The following SUGCT variants were observed in gnomAD, a reference collection of about 807,000 sequenced individuals.
SUGCT encodes the protein succinyl-CoA:glutarate-CoA transferase, also known as succinyl-CoA:glutarate CoA-transferase.
In SUGCT, 41 loss-of-function variants were observed where a neutral mutation model predicts 55.0. The ratio of observed to expected loss-of-function variants is 0.74; its 90% CI spans 0.58 to 0.97. SUGCT has a LOEUF of 0.97. SUGCT is among the 50% of genes least tolerant of loss of function. The pLI, the probability that SUGCT is intolerant of heterozygous loss-of-function variation, is 0.00. For synonymous variants in SUGCT, 187 were observed against 200.4 expected (o/e 0.93, Z 0.56); for missense variants, 568 against 547.8 (o/e 1.04, Z -0.37).
At chr7:40,964,340 T>C in the SUGCT span, among the ~76,000 whole-genome samples, 6 of 152,206 alleles carry the variant, frequency 3.9e-5, no homozygotes, top group Non-Finnish European at 8.8e-5. Context: ...ATTTTGAACA[T>C]CTTATTTGCA....
At chr7:40,713,225 G>C (rs1008773551) in intron 12 of SUGCT, among the ~76,000 whole-genome samples, 1 of 151,960 alleles carries the variant, frequency 6.6e-6, no homozygotes, top group Admixed American at 6.6e-5. Context: ...ACCTTCTCTG[G>C]GGTGGAGACT....
chr7:40,829,511 C>T (rs75138395), intron 13 of SUGCT, among the ~76,000 whole-genome samples: 1,707 of 152,156 alleles, frequency 0.011, 18 homozygotes, highest in South Asian at 0.043. Context: ...GGTGGAGTGT[C>T]AGTTATTTTA....
At chr7:40,578,599 G>A (rs1348463611) in intron 12 of SUGCT, among the ~76,000 whole-genome samples, 2 of 151,638 alleles carry the variant, frequency 1.3e-5, no homozygotes, top group African/African-American at 4.8e-5. Flanking sequence ...CATCAGCTGG[G>A]GAACATTTAG....
intron 13 of SUGCT, among the ~76,000 whole-genome samples, chr7:40,843,362 TAG>T (rs750061312): frequency 7.9e-5 from 12 of 151,468 alleles, no homozygotes; most frequent in Non-Finnish European, 1.3e-4. Context: ...ATACCAAAAT[TAG>T]CTGGGCATGG....
chr7:40,745,165 G>A (rs1035108368), intron 12 of SUGCT, among the ~76,000 whole-genome samples: 4 of 152,090 alleles, frequency 2.6e-5, no homozygotes, highest in Non-Finnish European at 5.9e-5. Flanking sequence ...GTTCTCTTTT[G>A]TACATTATTG....
chr7:40,779,025 G>T (rs149693433), intron 13 of SUGCT, among the ~76,000 whole-genome samples: 35 of 152,184 alleles, frequency 2.3e-4, no homozygotes, highest in Middle Eastern at 3.4e-3. Context: ...AGAGACCCTG[G>T]GGAAACAGAT....
chr7:41,035,023 G>C, the SUGCT span, among the ~76,000 whole-genome samples: 69 of 152,274 alleles, frequency 4.5e-4, no homozygotes, highest in Middle Eastern at 6.8e-3. Flanking sequence ...CTTGGGCACT[G>C]GGGCACTGAT....
intron 9 of SUGCT, among the ~76,000 whole-genome samples, chr7:40,331,291 T>C (rs1404606296): frequency 1.3e-5 from 2 of 152,330 alleles, no homozygotes; most frequent in African/African-American, 2.4e-5. Context: ...TCCTCTTTAC[T>C]GCTGAATTTT....
At chr7:40,222,673 C>A (rs989062662) in intron 6 of SUGCT, among the ~76,000 whole-genome samples, 38 of 152,290 alleles carry the variant, frequency 2.5e-4, no homozygotes, top group African/African-American at 8.2e-4. Flanking sequence ...GAAACTCTAT[C>A]TTTACTAAAA....
At chr7:40,855,566 C>G (rs982561489) in intron 13 of SUGCT, among the ~76,000 whole-genome samples, 3 of 151,936 alleles carry the variant, frequency 2.0e-5, no homozygotes, top group Non-Finnish European at 4.4e-5. Flanking sequence ...ATTGTTTCCA[C>G]TTTTAACATC....
chr7:40,299,648 CA>C (rs66695626), intron 8 of SUGCT, among the ~76,000 whole-genome samples: 59 of 148,338 alleles, frequency 4.0e-4, no homozygotes, highest in African/African-American at 9.7e-4. Context: ...CTATGTAGGC[CA>C]AAAAAAAAAA....
chr7:40,561,825 G>T (rs940624708), intron 12 of SUGCT, among the ~76,000 whole-genome samples: 21 of 150,862 alleles, frequency 1.4e-4, no homozygotes, highest in African/African-American at 5.1e-4. Context: ...CCAAGTAGCT[G>T]GGATTACAGG....
At chr7:40,818,205 A>G (rs938733791) in intron 13 of SUGCT, among the ~76,000 whole-genome samples, 5 of 152,244 alleles carry the variant, frequency 3.3e-5, no homozygotes, top group African/African-American at 9.6e-5. Context: ...TGGTCTGTCT[A>G]CAGGCAGTCT....
intron 12 of SUGCT, among the ~76,000 whole-genome samples, chr7:40,654,093 A>G (rs778222581): frequency 4.6e-5 from 7 of 152,206 alleles, no homozygotes; most frequent in Non-Finnish European, 8.8e-5. Flanking sequence ...CCCATAAGGT[A>G]TCAATATCTC....
chr7:41,036,010 C>G, the SUGCT span, among the ~76,000 whole-genome samples: 3 of 152,358 alleles, frequency 2.0e-5, no homozygotes, highest in East Asian at 1.9e-4. Context: ...GTTCAACAGA[C>G]AGATGAGCGT....
intron 12 of SUGCT, among the ~76,000 whole-genome samples, chr7:40,565,971 ACACACACACACACACACACACG>A (rs931565646): frequency 4.5e-5 from 5 of 110,500 alleles, no homozygotes; most frequent in African/African-American, 1.7e-4. Flanking sequence ...GGCATATCAC[ACACACACACACACACACACACG>A]CACACACACA....
chr7:40,972,886 C>T, the SUGCT span, among the ~76,000 whole-genome samples: 1 of 152,154 alleles, frequency 6.6e-6, no homozygotes, highest in Non-Finnish European at 1.5e-5. Flanking sequence ...AATGTAATTA[C>T]CAAATTACCA....
chr7:40,926,745 G>A, the SUGCT span, among the ~76,000 whole-genome samples: 1 of 152,170 alleles, frequency 6.6e-6, no homozygotes, highest in African/African-American at 2.4e-5. Flanking sequence ...AACTGAATCA[G>A]CTGGCATCTT....
At chr7:40,447,541 G>A (rs1343368432) in intron 9 of SUGCT, among the ~76,000 whole-genome samples, 2 of 152,128 alleles carry the variant, frequency 1.3e-5, no homozygotes, top group Non-Finnish European at 2.9e-5. Context: ...GTGGGGAAGT[G>A]AGGGCAGGTG....
Sources: allele counts gnomAD v4.1 joint callset (sites outside exome capture counted in the v4.1 genomes callset), GRCh38; gene constraint gnomAD v4.1.1; transcripts MANE v1.5; gene names NCBI Gene and HGNC (gene_info 2026-07-23, HGNC 2026-07-21).